Variants in SUSD5 observed in about 807,000 individuals in gnomAD.
SUSD5 encodes sushi domain-containing protein 5.
Under a neutral mutation model 29.5 loss-of-function variants are expected in SUSD5, and 33 were observed. The observed-to-expected ratio is 1.12, with a 90% confidence interval of 0.85 to 1.49. The LOEUF (loss-of-function observed/expected upper bound fraction) is 1.49. SUSD5 is among the 40% of genes most tolerant of loss of function. SUSD5 has a pLI of 0.00. For missense variants in SUSD5, 776 were observed against 800.6 expected (o/e 0.97, Z 0.37); for synonymous variants, 308 against 325.3 (o/e 0.95, Z 0.57).
At chr3:33,181,845 T>C (rs1436023538) in intron 3 of SUSD5, among the ~76,000 whole-genome samples, 3 of 152,208 alleles carry the variant, frequency 2.0e-5, no homozygotes, top group Non-Finnish European at 2.9e-5. Flanking sequence ...TAGGTGCCAG[T>C]AGGCTATACC....
intron 3 of SUSD5, among the ~76,000 whole-genome samples, chr3:33,195,415 G>A (rs542535416): frequency 6.6e-6 from 1 of 152,308 alleles, no homozygotes; most frequent in East Asian, 1.9e-4. Flanking sequence ...AACTGCTGGG[G>A]GATGGAGGTG....
In SUSD5 at chr3:33,208,354, G is replaced by A. The variant is rs185530152; in HGVS notation, c.291-428C>T. On this transcript the variant is annotated intron_variant, in intron 2 of 4. Transcript: ENST00000309558. ...CTTTGGCAGCACCCCATGAGTTTGG[G>A]TATGTACATTTTTAATTAGTTCTAA... is the stretch of plus-strand genomic sequence containing the variant. Among the ~76,000 whole-genome samples, 33 of 152,004 alleles carry A rather than the reference G, an allele frequency of 2.2e-4. No individual in the cohort carries two copies. The East Asian group carries it at 6.2e-3, about 28-fold the overall frequency.
chr3:33,203,918 T>C (rs2032166224), intron 3 of SUSD5, among the ~76,000 whole-genome samples: 1 of 152,154 alleles, frequency 6.6e-6, no homozygotes, highest in Non-Finnish European at 1.5e-5. Context: ...GTTGTTGCTG[T>C]TGTTGTTTGA....
chr3:33,183,561 C>G (rs985562647), intron 3 of SUSD5, among the ~76,000 whole-genome samples: 16 of 152,200 alleles, frequency 1.1e-4, no homozygotes, highest in Non-Finnish European at 5.9e-5. Flanking sequence ...CTCCTGCCCC[C>G]TGTATCATTG....
chr3:33,207,768 G>C, intron 3 of SUSD5, 40 bp downstream of exon 3: 5 of 1,400,992 alleles, frequency 3.6e-6, no homozygotes, highest in Non-Finnish European at 5.0e-6. Context: ...ATCCCCAAGA[G>C]CACACCCTCC....
intron 1 of SUSD5, among the ~76,000 whole-genome samples, chr3:33,215,698 A>C: frequency 6.6e-6 from 1 of 152,212 alleles, no homozygotes; most frequent in East Asian, 1.9e-4. Flanking sequence ...CTGCCTCTCA[A>C]TAACAAAGCA....
intron 1 of SUSD5, 84 bp from the exon 2 acceptor site, chr3:33,214,189 G>A: frequency 1.5e-6 from 2 of 1,377,150 alleles, no homozygotes; most frequent in Non-Finnish European, 2.0e-6. Context: ...GCAGACGCCA[G>A]TTAGAACTGT....
At chr3:33,193,790 G>A (rs1034356146) in intron 3 of SUSD5, among the ~76,000 whole-genome samples, 3 of 152,078 alleles carry the variant, frequency 2.0e-5, no homozygotes, top group Non-Finnish European at 4.4e-5. Context: ...AACTGCCCTC[G>A]TTCATTCCTG....
intron 2 of SUSD5, 120 bp from the exon 3 acceptor site, chr3:33,208,046 C>T: frequency 1.4e-6 from 1 of 703,920 alleles, no homozygotes; most frequent in Non-Finnish European, 2.4e-6. Flanking sequence ...TGAGCTCTGT[C>T]TGAAAGCATA....
chr3:33,162,155 A>T (rs964221146), intron 4 of SUSD5, among the ~76,000 whole-genome samples: 3 of 152,218 alleles, frequency 2.0e-5, no homozygotes, highest in Non-Finnish European at 4.4e-5. Flanking sequence ...AAAATTACTT[A>T]AAAATTCCCC....
chr3:33,178,182 G>C (rs927264032), intron 3 of SUSD5, among the ~76,000 whole-genome samples: 2 of 152,046 alleles, frequency 1.3e-5, no homozygotes, highest in Admixed American at 1.3e-4. Flanking sequence ...TGGTTTGTTA[G>C]GAGTTTTTAT....
rs747344394 is a variant in SUSD5, at chr3:33,153,252, A to G, written c.1380T>C (p.Ile460=). Residue 460 remains isoleucine (I), a synonymous_variant, in exon 5 of 5, where the codon ATT becomes ATC. Coordinates refer to ENST00000309558, the MANE Select transcript of SUSD5 (RefSeq NM_015551.2). ...RPVNASETEG[I]GDGDLTKYQS... is the part of the protein sequence containing the mutation. Reference sequence around the variant, plus strand: ...GGTACTTCGTCAAGTCACCATCCCCAATGCCCTCAGTCTCGGAAGCATTCA... The same window carrying G: ...GGTACTTCGTCAAGTCACCATCCCCGATGCCCTCAGTCTCGGAAGCATTCA... The G allele has an allele frequency of 3.7e-6, 6 of 1,613,822 alleles. No homozygotes were observed. The South Asian group carries it at 5.5e-5, about 15-fold the overall frequency.
Position 33,152,919 on chromosome 3 carries a change from G to A in SUSD5, c.1713C>T (p.Ser571=), listed in dbSNP as rs544706646. The change falls in exon 5 of 5, where the codon AGC becomes AGT. Residue 571 remains serine (S), a synonymous_variant. Coordinates refer to ENST00000309558, the MANE Select transcript of SUSD5 (RefSeq NM_015551.2). ...SCVGDGCPGL[S]RGPVIATIVT... is the part of the protein sequence containing the mutation. Reference sequence around the variant, plus strand: ...CAATGGTGGCGATCACAGGGCCTCTGCTGAGGCCAGGACATCCGTCCCCCA... The same window carrying A: ...CAATGGTGGCGATCACAGGGCCTCTACTGAGGCCAGGACATCCGTCCCCCA... 3.5e-5 allele frequency: 57 copies of A among 1,614,024 alleles called. No individual in the cohort carries two copies. The East Asian group carries it at 1.0e-3, about 30-fold the overall frequency.
At chr3:33,162,484 T>C (rs2031211193) in intron 4 of SUSD5, among the ~76,000 whole-genome samples, 1 of 152,072 alleles carries the variant, frequency 6.6e-6, no homozygotes, top group Non-Finnish European at 1.5e-5. Flanking sequence ...AAAATCGACA[T>C]AGTCAAAAGT....
chr3:33,153,362 TG>T lies in SUSD5; in HGVS notation c.1269del (p.Ser423ArgfsTer9). 2 of 1,613,726 alleles carry T rather than the reference TG, an allele frequency of 1.2e-6. No homozygotes were observed. Among genetic ancestry groups the T allele is most frequent in the Admixed American group, 3.3e-5 (2 of 59,990 alleles). On this transcript the variant is annotated frameshift_variant, in exon 5 of 5. Coordinates refer to ENST00000309558, the MANE Select transcript of SUSD5 (RefSeq NM_015551.2). LOFTEE classifies it low-confidence loss of function (END_TRUNC). The stretch of plus-strand genomic sequence containing the variant: ...GTCATGCCCTCGCTTGGTGTGAGGG[TG>T]CTACTCTTGGGCTTCTTAACTTCCA... ...ILVEVKKPKS[S>X]TLTPSEGMTH... is the part of the protein sequence containing the mutation.
chr3:33,193,491 A>G (rs1323406250), intron 3 of SUSD5, among the ~76,000 whole-genome samples: 1 of 152,144 alleles, frequency 6.6e-6, no homozygotes, highest in African/African-American at 2.4e-5. Flanking sequence ...GGATATGAGT[A>G]TAAGTTTGGG....
At chr3:33,189,402 G>A (rs566133678) in intron 3 of SUSD5, among the ~76,000 whole-genome samples, 6 of 150,586 alleles carry the variant, frequency 4.0e-5, no homozygotes, top group Non-Finnish European at 8.8e-5. Flanking sequence ...GCTTGAACCC[G>A]GGAGGCGGAG....
chr3:33,160,685 G>C (rs1226124374), intron 4 of SUSD5, among the ~76,000 whole-genome samples: 1 of 152,116 alleles, frequency 6.6e-6, no homozygotes, highest in Non-Finnish European at 1.5e-5. Flanking sequence ...TTATGAAAAG[G>C]GTGGTTATGA....
intron 3 of SUSD5, among the ~76,000 whole-genome samples, chr3:33,201,386 A>G (rs1223294579): frequency 1.3e-5 from 2 of 152,204 alleles, no homozygotes; most frequent in African/African-American, 4.8e-5. Context: ...AGCTCTTCTG[A>G]GTAGCACAGA....
Sources: allele counts gnomAD v4.1 joint callset (sites outside exome capture counted in the v4.1 genomes callset), GRCh38; gene constraint gnomAD v4.1.1; transcripts MANE v1.5; gene names NCBI Gene and HGNC (gene_info 2026-07-23, HGNC 2026-07-21).